CCDC18: variants seen among roughly 807,000 people sequenced by gnomAD.
CCDC18 encodes coiled-coil domain-containing protein 18.
A neutral mutation model predicts 196.0 loss-of-function variants in CCDC18; 157 were observed. The ratio of observed to expected loss-of-function variants is 0.80; its 90% CI spans 0.70 to 0.91. The LOEUF is 0.91. Ranked by LOEUF, CCDC18 falls within the 40% of genes least tolerant of loss-of-function variation. The probability of loss-of-function intolerance (pLI) is 0.00; values close to 1 mark genes in which losing one functional copy is unlikely to be tolerated. For missense variants in CCDC18, 1,465 were observed against 1,611.6 expected (o/e 0.91, Z 1.56); for synonymous variants, 482 against 529.2 (o/e 0.91, Z 1.22).
chr1:93,221,179 G>A (rs1159624314), intron 14 of CCDC18, among the ~76,000 whole-genome samples: 3 of 152,274 alleles, frequency 2.0e-5, no homozygotes, highest in East Asian at 3.9e-4. Context: ...TTGTGTTTCT[G>A]CCTCTAGGTC....
At chr1:93,206,519 TTAAGA>T (rs1654724654) in intron 8 of CCDC18, among the ~76,000 whole-genome samples, 1 of 152,116 alleles carries the variant, frequency 6.6e-6, no homozygotes, top group Non-Finnish European at 1.5e-5. Flanking sequence ...AATAAATTGG[TTAAGA>T]TATTTTTAAA....
chr1:93,234,936 AGTGTGTGTGT>A (rs3223482), intron 18 of CCDC18, among the ~76,000 whole-genome samples: 25 of 119,348 alleles, frequency 2.1e-4, no homozygotes, highest in Non-Finnish European at 3.0e-4. Flanking sequence ...CCCAGCTAAG[AGTGTGTGTGT>A]GTGTGTGTGT....
At chr1:93,186,846 A>T (rs1168902433) in intron 4 of CCDC18, among the ~76,000 whole-genome samples, 1 of 151,992 alleles carries the variant, frequency 6.6e-6, no homozygotes, top group East Asian at 1.9e-4. Context: ...TAAAAGTAGC[A>T]AAAAGAGGAA....
intron 24 of CCDC18, among the ~76,000 whole-genome samples, chr1:93,255,831 A>G (rs951973089): frequency 6.6e-6 from 1 of 152,004 alleles, no homozygotes; most frequent in Non-Finnish European, 1.5e-5. Flanking sequence ...GGGGAGGAAT[A>G]CTTTATTAGA....
rs1466529921 is a variant in CCDC18, at chr1:93,248,489, A to T, written c.3198+1535A>T. ...TTTAATGATTTGTGTATGTTGAACC[A>T]TCTTGGCATCCCTGGGATGAATTCC... On this transcript the variant is annotated intron_variant, in intron 23 of 28. Coordinates refer to ENST00000690025, the MANE Select transcript of CCDC18 (RefSeq NM_001378204.1). 3.3e-5 allele frequency among the ~76,000 whole-genome samples: 5 copies of T among 152,340 alleles called. No individual in the cohort carries two copies. In the East Asian group the frequency reaches 9.6e-4, roughly 29 times the overall value.
intron 26 of CCDC18, 71 bp from the exon 27 acceptor site, chr1:93,264,630 T>C: frequency 2.3e-6 from 2 of 869,874 alleles, no homozygotes; most frequent in Non-Finnish European, 3.7e-6. Flanking sequence ...TAGAAAGCAT[T>C]AGACTGTTGT....
chr1:93,183,405 A>T lies in CCDC18; in HGVS notation c.44A>T (p.Glu15Val). ...SSDYYNKDNEEESLLANVASL... is the reference protein window; with the variant it reads ...SSDYYNKDNEVESLLANVASL... ...GACTACTATAATAAAGACAATGAAG[A>T]GGAAAGTTTGCTTGCAAATGTTGCT... The change falls in exon 2 of 29, where the codon GAG becomes GTG. Residue 15 changes from glutamate to valine, a missense_variant. By Grantham distance (121) the Glu-to-Val change is moderately radical. Coordinates refer to ENST00000690025, the MANE Select transcript of CCDC18 (RefSeq NM_001378204.1). 1 of 1,603,988 alleles carries T rather than the reference A, an allele frequency of 6.2e-7. No homozygotes were observed. Among genetic ancestry groups the T allele is most frequent in the South Asian group, 1.1e-5 (1 of 89,856 alleles).
chr1:93,219,185 TTAAC>T (rs1313825265), intron 14 of CCDC18, among the ~76,000 whole-genome samples: 1 of 152,224 alleles, frequency 6.6e-6, no homozygotes, highest in African/African-American at 2.4e-5. Context: ...CTTTTCTATT[TTAAC>T]TAAGCACTTA....
chr1:93,216,847 A>C, intron 13 of CCDC18, 101 bp downstream of exon 13: 1 of 606,998 alleles, frequency 1.6e-6, no homozygotes, highest in Non-Finnish European at 2.9e-6. Flanking sequence ...ATATATAGGA[A>C]AGTATAAATT....
At chr1:93,180,996 T>A (rs1383874610) in intron 1 of CCDC18, 144 bp downstream of exon 1, 4 of 745,758 alleles carry the variant, frequency 5.4e-6, no homozygotes, top group Non-Finnish European at 8.1e-6. Flanking sequence ...CTGAGCATGC[T>A]GCTCTGAACG....
At chr1:93,274,624 A>C (rs962948331) in intron 28 of CCDC18, among the ~76,000 whole-genome samples, 1 of 151,938 alleles carries the variant, frequency 6.6e-6, no homozygotes, top group Non-Finnish European at 1.5e-5. Context: ...CAGGAGGATT[A>C]CTTGAGACTA....
chr1:93,271,293 A>G (rs537215162), intron 28 of CCDC18: 18 of 985,392 alleles, frequency 1.8e-5, no homozygotes, highest in Admixed American at 6.1e-5. Flanking sequence ...AAAAGCATGA[A>G]TAAGGCCAAC....
chr1:93,230,409 G>T (rs866402852), intron 17 of CCDC18, among the ~76,000 whole-genome samples: 9 of 151,384 alleles, frequency 5.9e-5, no homozygotes, highest in African/African-American at 2.2e-4. Context: ...GGAGAATGGC[G>T]TGAACCTGGG....
At chr1:93,190,134 AT>A (rs113196980) in intron 4 of CCDC18, among the ~76,000 whole-genome samples, 48 of 151,026 alleles carry the variant, frequency 3.2e-4, no homozygotes, top group South Asian at 2.3e-3. Flanking sequence ...AGATTTAATG[AT>A]TTTTTTTTCA....
intron 26 of CCDC18, among the ~76,000 whole-genome samples, chr1:93,261,253 T>C (rs971703206): frequency 1.3e-5 from 2 of 152,114 alleles, no homozygotes; most frequent in Non-Finnish European, 2.9e-5. Context: ...TCCTGACTTA[T>C]TGGAGGAGAA....
chr1:93,254,463 A>T lies in CCDC18; in HGVS notation c.3199-8A>T. 6.4e-7 allele frequency: 1 copy of T among 1,554,088 alleles called. No individual in the cohort carries two copies. The highest frequency in any genetic ancestry group is 8.8e-7 in the Non-Finnish European group (1 of 1,139,708). On this transcript the variant is annotated splice_region_variant and splice_polypyrimidine_tract_variant and intron_variant, in intron 23 of 28. Transcript: ENST00000690025. Reference sequence around the variant, plus strand: ...TTTACTGATACTGCTTATCTGTTTAAAATTCAGATAGAAAGTCTGAATGAC... The same window carrying T: ...TTTACTGATACTGCTTATCTGTTTATAATTCAGATAGAAAGTCTGAATGAC...
intron 24 of CCDC18, among the ~76,000 whole-genome samples, chr1:93,254,941 C>CTT (rs34139452): frequency 0.075 from 3,339 of 44,320 alleles, 1,345 homozygotes; most frequent in East Asian, 0.23. Context: ...GAGGAGTCAG[C>CTT]TTTTTTTTTT....
intron 25 of CCDC18, among the ~76,000 whole-genome samples, chr1:93,257,664 TAG>T (rs1174156882): frequency 6.6e-6 from 1 of 152,128 alleles, no homozygotes; most frequent in African/African-American, 2.4e-5. Flanking sequence ...GAATGTTTAT[TAG>T]AGATATATTA....
chr1:93,180,717 C>T (rs750861007), upstream of CCDC18: 7 of 1,360,284 alleles, frequency 5.1e-6, no homozygotes, highest in South Asian at 2.3e-5. Flanking sequence ...CCAACGGCTC[C>T]CGCGGCGGTT....
Sources: allele counts gnomAD v4.1 joint callset (sites outside exome capture counted in the v4.1 genomes callset), GRCh38; gene constraint gnomAD v4.1.1; transcripts MANE v1.5; gene names NCBI Gene and HGNC (gene_info 2026-07-23, HGNC 2026-07-21).